The following PRKG1 variants were observed in gnomAD, a reference collection of about 807,000 sequenced individuals.
The protein encoded by PRKG1 is cGMP-dependent protein kinase 1.
In PRKG1, 35 loss-of-function variants were observed where a neutral mutation model predicts 88.1. The observed-to-expected ratio is 0.40, with a 90% CI of 0.30 to 0.53. The LOEUF is 0.53. PRKG1 is among the 20% of genes least tolerant of loss of function. PRKG1 has a pLI of 0.59. For synonymous variants in PRKG1, 303 were observed against 292.5 expected, an observed-to-expected ratio of 1.04 and a Z score of -0.37; for missense variants, 540 against 839.8, an observed-to-expected ratio of 0.64 and a Z score of 4.41.
intron 7 of PRKG1, among the ~76,000 whole-genome samples, chr10:52,093,733 T>G (rs1190842195): frequency 6.6e-6 from 1 of 152,168 alleles, no homozygotes; most frequent in Non-Finnish European, 1.5e-5. Context: ...AGGTGTTGCC[T>G]TAGTCTAGAT....
intron 2 of PRKG1, among the ~76,000 whole-genome samples, chr10:51,205,152 T>TTTTTTTTTTTTTTTTTTTTTTTTTTTTTA: frequency 8.2e-6 from 1 of 122,206 alleles, no homozygotes; most frequent in Non-Finnish European, 1.6e-5. Flanking sequence ...TTTTTTTTTT[T>TTTTTTTTTTTTTTTTTTTTTTTTTTTTTA]TTTTTGAGAC....
intron 3 of PRKG1, among the ~76,000 whole-genome samples, chr10:51,779,996 C>T (rs1838544450): frequency 6.6e-6 from 1 of 152,082 alleles, no homozygotes. Flanking sequence ...CTAAAGTGAG[C>T]CTGGTTTTGA....
intron 2 of PRKG1, among the ~76,000 whole-genome samples, chr10:51,156,143 T>C (rs1039867048): frequency 1.3e-5 from 2 of 152,000 alleles, no homozygotes; most frequent in African/African-American, 4.8e-5. Context: ...CACAAAGTTC[T>C]TGGGTGATGT....
At chr10:51,082,945 G>C (rs1390078279) in intron 1 of PRKG1, among the ~76,000 whole-genome samples, 1 of 152,120 alleles carries the variant, frequency 6.6e-6, no homozygotes, top group Non-Finnish European at 1.5e-5. Flanking sequence ...CTGAGGTATA[G>C]GTATATTATT....
intron 1 of PRKG1, among the ~76,000 whole-genome samples, chr10:51,019,958 C>G (rs1589110107): frequency 6.6e-6 from 1 of 151,894 alleles, no homozygotes; most frequent in South Asian, 2.1e-4. Context: ...TACTTCACAC[C>G]CATTAAAATG....
At chr10:51,013,661 A>ATTAC (rs3060202) in intron 1 of PRKG1, among the ~76,000 whole-genome samples, 3,593 of 152,284 alleles carry the variant, frequency 0.024, 78 homozygotes, top group African/African-American at 0.055. Context: ...AAGTGCTGGG[A>ATTAC]TTACAGGTGT....
intron 2 of PRKG1, among the ~76,000 whole-genome samples, chr10:51,414,487 G>T (rs933883355): frequency 3.9e-5 from 6 of 152,156 alleles, no homozygotes; most frequent in South Asian, 2.1e-4. Context: ...CTTTCAAGGA[G>T]GTGTGTAACG....
chr10:51,537,583 G>A (rs1172006757), intron 3 of PRKG1, among the ~76,000 whole-genome samples: 1 of 152,006 alleles, frequency 6.6e-6, no homozygotes, highest in Non-Finnish European at 1.5e-5. Context: ...ACAAAAATTA[G>A]CTAGGCGTGG....
At chr10:52,131,083 TG>T (rs1837243005) in intron 7 of PRKG1, among the ~76,000 whole-genome samples, 1 of 152,088 alleles carries the variant, frequency 6.6e-6, no homozygotes, top group South Asian at 2.1e-4. Context: ...GGAATGGAGG[TG>T]GGTTTAACAC....
chr10:51,488,572 T>A (rs562457863), intron 3 of PRKG1, among the ~76,000 whole-genome samples: 2 of 152,156 alleles, frequency 1.3e-5, no homozygotes, highest in Non-Finnish European at 2.9e-5. Flanking sequence ...AGATGATGTT[T>A]GTGCAGACCT....
intron 3 of PRKG1, among the ~76,000 whole-genome samples, chr10:51,657,256 GT>G (rs975676131): frequency 6.6e-6 from 1 of 151,806 alleles, no homozygotes; most frequent in Non-Finnish European, 1.5e-5. Flanking sequence ...CATTTATATG[GT>G]TTTTTTGTTT....
At chr10:51,648,535 T>C (rs1425083397) in intron 3 of PRKG1, among the ~76,000 whole-genome samples, 1 of 152,176 alleles carries the variant, frequency 6.6e-6, no homozygotes, top group African/African-American at 2.4e-5. Context: ...TCACTAATCT[T>C]CGCAGTGTTC....
intron 3 of PRKG1, among the ~76,000 whole-genome samples, chr10:51,657,573 A>T (rs538754504): frequency 7.1e-4 from 108 of 152,286 alleles, no homozygotes; most frequent in African/African-American, 2.6e-3. Flanking sequence ...TTTGTAGTAA[A>T]GTGCCATCAG....
Position 52,062,632 on chromosome 10 carries a change from G to T in PRKG1, c.935+1G>T. ...GGTTTGGAGAGAAAGCCTTGCAGGGGTAAGTAGATCATGTGTTATACAGGT... is the reference window on the plus strand; with the variant it reads ...GGTTTGGAGAGAAAGCCTTGCAGGGTTAAGTAGATCATGTGTTATACAGGT... On this transcript the variant is annotated splice_donor_variant, in intron 7 of 17. Transcript: ENST00000373980. LOFTEE classifies it high-confidence loss of function. 6.3e-7 allele frequency: 1 copy of T among 1,585,900 alleles called. No individual in the cohort carries two copies. The highest frequency in any genetic ancestry group is 8.6e-7 in the Non-Finnish European group (1 of 1,162,918).
At chr10:51,988,762 G>A (rs2454552) in intron 5 of PRKG1, among the ~76,000 whole-genome samples, 33,840 of 151,670 alleles carry the variant, frequency 0.22, 4,342 homozygotes, top group Admixed American at 0.31. Flanking sequence ...ACTAATCTTT[G>A]CCAGTTATGG....
At chr10:51,036,438 G>A (rs1843355060) in intron 1 of PRKG1, among the ~76,000 whole-genome samples, 1 of 152,092 alleles carries the variant, frequency 6.6e-6, no homozygotes, top group Non-Finnish European at 1.5e-5. Context: ...CATGGAGAAG[G>A]GATATGAAGC....
intron 2 of PRKG1, among the ~76,000 whole-genome samples, chr10:51,433,765 T>A (rs1838841375): frequency 1.3e-5 from 2 of 152,148 alleles, no homozygotes; most frequent in South Asian, 4.1e-4. Flanking sequence ...TTTAAATTAA[T>A]AACATTTAGT....
At chr10:51,426,972 A>C (rs1232264200) in intron 2 of PRKG1, among the ~76,000 whole-genome samples, 1 of 151,868 alleles carries the variant, frequency 6.6e-6, no homozygotes. Context: ...CTTAATCTCA[A>C]GGTTTGTCTG....
At chr10:51,428,929 T>C (rs1052722960) in intron 2 of PRKG1, among the ~76,000 whole-genome samples, 6 of 152,202 alleles carry the variant, frequency 3.9e-5, no homozygotes, top group African/African-American at 1.4e-4. Context: ...TTGTGTGCAT[T>C]GAGGGCTCAT....
Sources: allele counts gnomAD v4.1 joint callset (sites outside exome capture counted in the v4.1 genomes callset), GRCh38; gene constraint gnomAD v4.1.1; transcripts MANE v1.5; gene names NCBI Gene and HGNC (gene_info 2026-07-23, HGNC 2026-07-21).